The following HPD variants were observed in gnomAD, a reference collection of about 807,000 sequenced individuals.
HPD encodes 4-hydroxyphenylpyruvate dioxygenase.
HPD carries 35 observed loss-of-function variants against 56.9 expected under a neutral mutation model. That is an observed-to-expected ratio of 0.62 (90% confidence interval 0.47 to 0.82). The LOEUF is 0.82. Ranked by LOEUF, HPD falls within the 40% of genes least tolerant of loss-of-function variation. The pLI is 0.00. For missense variants in HPD, 442 were observed against 506.8 expected, an observed-to-expected ratio of 0.87 and a Z score of 1.23; for synonymous variants, 186 against 200.2, an observed-to-expected ratio of 0.93 and a Z score of 0.60.
At chr12:121,871,318 T>A in the HPD span, among the ~76,000 whole-genome samples, 2 of 151,856 alleles carry the variant, frequency 1.3e-5, no homozygotes, top group Non-Finnish European at 1.5e-5. Flanking sequence ...TGAGCTGTGA[T>A]TATGCCACTG....
intron 7 of HPD, among the ~76,000 whole-genome samples, chr12:121,850,537 G>C (rs993632080): frequency 7.1e-6 from 1 of 141,154 alleles, no homozygotes; most frequent in African/African-American, 2.6e-5. Flanking sequence ...GCATTGGCAC[G>C]ATCTCGGCTT....
At chr12:121,873,684 C>G in the HPD span, among the ~76,000 whole-genome samples, 1 of 152,234 alleles carries the variant, frequency 6.6e-6, no homozygotes, top group African/African-American at 2.4e-5. Flanking sequence ...GCTGGGCGTG[C>G]TGGCGGGCGC....
the HPD span, among the ~76,000 whole-genome samples, chr12:121,870,613 TGAGACA>T: frequency 2.7e-5 from 4 of 150,694 alleles, no homozygotes; most frequent in Non-Finnish European, 5.9e-5. Flanking sequence ...TTTTTTTTTT[TGAGACA>T]GAGTTTCACT....
the HPD span, among the ~76,000 whole-genome samples, chr12:121,886,811 T>TAAAG: frequency 4.6e-5 from 7 of 152,328 alleles, no homozygotes; most frequent in South Asian, 1.4e-3. Flanking sequence ...ATAAGTCTTG[T>TAAAG]AAAGCTGCTG....
Position 121,839,850 on chromosome 12 carries a change from AAG to A in HPD, c.1072-14_1072-13del, listed in dbSNP as rs766083695. On this transcript the variant is annotated splice_polypyrimidine_tract_variant and intron_variant, in intron 13 of 13. Transcript: ENST00000289004. ...CCGGCTCCAAAACCCTGTGGCGGGA[AAG>A]AGAGGAGATGAGCCAAGGACCCAGA... The A allele has an allele frequency of 3.1e-6, 5 of 1,613,242 alleles. No individual in the cohort carries two copies. The highest frequency in any genetic ancestry group is 3.3e-5 in the Admixed American group (2 of 60,020).
chr12:121,880,217 T>C, the HPD span, among the ~76,000 whole-genome samples: 54 of 152,118 alleles, frequency 3.5e-4, no homozygotes, highest in African/African-American at 1.3e-3. Context: ...CTTTCTTTTT[T>C]TTTCAGATGG....
upstream of HPD, among the ~76,000 whole-genome samples, chr12:121,868,087 G>T (rs1460387501): frequency 6.6e-6 from 1 of 152,140 alleles, no homozygotes; most frequent in Non-Finnish European, 1.5e-5. Context: ...ACTTTCAGAG[G>T]CTGAGGCAGG....
the HPD span, among the ~76,000 whole-genome samples, chr12:121,875,179 C>G: frequency 6.6e-6 from 1 of 152,202 alleles, no homozygotes; most frequent in African/African-American, 2.4e-5. Flanking sequence ...AGCCTGCAAA[C>G]AGCCACAGAC....
chr12:121,878,650 A>C, the HPD span, among the ~76,000 whole-genome samples: 2 of 150,832 alleles, frequency 1.3e-5, no homozygotes, highest in Admixed American at 6.6e-5. Context: ...TGCCCAGGTT[A>C]CAGATATGTG....
At chr12:121,886,410 G>GTTTTTT in the HPD span, among the ~76,000 whole-genome samples, 3 of 110,338 alleles carry the variant, frequency 2.7e-5, no homozygotes, top group African/African-American at 7.4e-5. Context: ...GCCTGGCCTA[G>GTTTTTT]TTTTTTTTTT....
At chr12:121,864,554 T>TTA (rs1878271085), upstream of HPD, among the ~76,000 whole-genome samples, 1 of 130,956 alleles carries the variant, frequency 7.6e-6, no homozygotes, top group African/African-American at 2.9e-5. Context: ...CCCTGACTAT[T>TTA]AAAAAAAAAA....
chr12:121,848,472 C>T (rs1394595397), intron 9 of HPD, among the ~76,000 whole-genome samples: 1 of 152,044 alleles, frequency 6.6e-6, no homozygotes, highest in Non-Finnish European at 1.5e-5. Context: ...CTGCCACACC[C>T]AGCTAATTTT....
intron 9 of HPD, 144 bp from the exon 10 acceptor site, chr12:121,847,358 CT>C: frequency 1.3e-6 from 1 of 763,090 alleles, no homozygotes; most frequent in East Asian, 2.7e-5. Flanking sequence ...AGATTTAGAT[CT>C]TTTTGTTGTT....
the HPD span, among the ~76,000 whole-genome samples, chr12:121,877,225 C>T: frequency 6.6e-6 from 1 of 151,996 alleles, no homozygotes; most frequent in Non-Finnish European, 1.5e-5. Context: ...ACCCATTGTA[C>T]AGTTGAAGAA....
At chr12:121,886,521 A>G in the HPD span, among the ~76,000 whole-genome samples, 1 of 151,620 alleles carries the variant, frequency 6.6e-6, no homozygotes, top group African/African-American at 2.4e-5. Context: ...GCAGCTTACA[A>G]AACAGTTTTC....
chr12:121,883,045 G>A, the HPD span, among the ~76,000 whole-genome samples: 1 of 152,100 alleles, frequency 6.6e-6, no homozygotes, highest in African/African-American at 2.4e-5. Context: ...GGATCTTGAA[G>A]GAGAGGTTCA....
intron 9 of HPD, among the ~76,000 whole-genome samples, chr12:121,848,038 G>A (rs1021474663): frequency 5.3e-5 from 8 of 152,148 alleles, no homozygotes; most frequent in Admixed American, 2.6e-4. Context: ...AGGACGGCAA[G>A]GCTCCCACAG....
upstream of HPD, among the ~76,000 whole-genome samples, chr12:121,866,599 G>T (rs545566283): frequency 2.0e-5 from 3 of 151,956 alleles, no homozygotes; most frequent in Non-Finnish European, 4.4e-5. Context: ...AGCACCCCAA[G>T]CTTAGTGACT....
chr12:121,853,571 G>A (rs1342715407), intron 7 of HPD, among the ~76,000 whole-genome samples: 5 of 149,280 alleles, frequency 3.3e-5, no homozygotes, highest in African/African-American at 9.9e-5. Flanking sequence ...GCAGTGAGCC[G>A]AGATCGTGCC....
Sources: gnomAD v4.1 joint callset for allele counts (sites outside exome capture counted in the v4.1 genomes callset) on GRCh38, gnomAD v4.1.1 for gene constraint, MANE v1.5 for transcripts, NCBI Gene and HGNC (gene_info 2026-07-23, HGNC 2026-07-21) for gene names.